The following SHISA9 variants were observed in gnomAD, a reference collection of about 807,000 sequenced individuals.
SHISA9 encodes the protein shisa family member 9, also known as protein shisa-9.
SHISA9 carries 13 observed loss-of-function variants against 38.0 expected under a neutral mutation model. The observed-to-expected ratio is 0.34, with a 90% CI of 0.22 to 0.54. SHISA9 has a LOEUF of 0.54. SHISA9 is among the 20% of genes least tolerant of loss of function. The pLI, the probability that SHISA9 is intolerant of heterozygous loss-of-function variation, is 0.91. For missense variants in SHISA9, 538 were observed against 575.8 expected, an observed-to-expected ratio of 0.93 and a Z score of 0.67; for synonymous variants, 275 against 242.0, an observed-to-expected ratio of 1.14 and a Z score of -1.27.
At chr16:12,943,854 G>A (rs2071654899) in intron 2 of SHISA9, among the ~76,000 whole-genome samples, 1 of 152,028 alleles carries the variant, frequency 6.6e-6, no homozygotes, top group Non-Finnish European at 1.5e-5. Flanking sequence ...ACTAGCTCAG[G>A]GTTCACATCT....
At chr16:13,336,706 G>A in the SHISA9 span, among the ~76,000 whole-genome samples, 12 of 152,186 alleles carry the variant, frequency 7.9e-5, no homozygotes, top group African/African-American at 2.9e-4. Flanking sequence ...TTTGGGTAAG[G>A]GGAGGTGGCA....
the SHISA9 span, among the ~76,000 whole-genome samples, chr16:13,509,363 C>G: frequency 1.3e-5 from 2 of 152,094 alleles, no homozygotes; most frequent in Non-Finnish European, 2.9e-5. Context: ...GAACTCTGGA[C>G]TCAGACTGCC....
intron 2 of SHISA9, among the ~76,000 whole-genome samples, chr16:13,115,058 A>G (rs111496044): frequency 1.7e-4 from 26 of 152,202 alleles, no homozygotes; most frequent in African/African-American, 6.3e-4. Flanking sequence ...CCATTATCAT[A>G]TTTATGTATC....
the SHISA9 span, among the ~76,000 whole-genome samples, chr16:13,491,730 T>G: frequency 4.9e-4 from 71 of 145,760 alleles, no homozygotes; most frequent in Admixed American, 2.3e-3. Flanking sequence ...TCTCAAGAGA[T>G]CCACCCGCCT....
chr16:13,060,574 C>T (rs2073361993), intron 2 of SHISA9, among the ~76,000 whole-genome samples: 2 of 134,044 alleles, frequency 1.5e-5, no homozygotes, highest in African/African-American at 5.7e-5. Context: ...GAGGCTGAGG[C>T]AAGAGGATCA....
At chr16:13,374,182 T>A in the SHISA9 span, among the ~76,000 whole-genome samples, 1 of 151,948 alleles carries the variant, frequency 6.6e-6, no homozygotes, top group Non-Finnish European at 1.5e-5. Context: ...TTTTTTTTAG[T>A]ATGCTTTAAG....
At chr16:13,168,557 TTG>T (rs2050657918) in intron 2 of SHISA9, among the ~76,000 whole-genome samples, 1 of 152,196 alleles carries the variant, frequency 6.6e-6, no homozygotes, top group Non-Finnish European at 1.5e-5. Context: ...CTGCAAAGCC[TTG>T]TCTCTCTACT....
intron 4 of SHISA9, among the ~76,000 whole-genome samples, chr16:13,229,651 A>G (rs546236967): frequency 9.8e-5 from 15 of 152,316 alleles, no homozygotes; most frequent in African/African-American, 3.6e-4. Flanking sequence ...ATTTCCATGT[A>G]CTGCCAGGAC....
At chr16:13,515,180 C>A in the SHISA9 span, among the ~76,000 whole-genome samples, 2 of 151,988 alleles carry the variant, frequency 1.3e-5, no homozygotes, top group South Asian at 2.1e-4. Context: ...TGTGAAACTA[C>A]AAGTGTGCTA....
intron 4 of SHISA9, among the ~76,000 whole-genome samples, chr16:13,226,096 G>A (rs1485721037): frequency 6.6e-6 from 1 of 152,170 alleles, no homozygotes; most frequent in East Asian, 1.9e-4. Flanking sequence ...TCTTTTGCAA[G>A]TAGCTTTTTA....
At chr16:13,547,166 T>C in the SHISA9 span, among the ~76,000 whole-genome samples, 5 of 152,228 alleles carry the variant, frequency 3.3e-5, no homozygotes, top group Admixed American at 6.5e-5. Context: ...ATTTATTGAA[T>C]ATCTACTATG....
the SHISA9 span, among the ~76,000 whole-genome samples, chr16:13,400,222 A>G: frequency 6.6e-6 from 1 of 152,186 alleles, no homozygotes; most frequent in Non-Finnish European, 1.5e-5. Flanking sequence ...TCTCCGGTAG[A>G]ACCATTCTGA....
At chr16:13,554,758 C>G in the SHISA9 span, among the ~76,000 whole-genome samples, 2 of 152,182 alleles carry the variant, frequency 1.3e-5, no homozygotes, top group African/African-American at 2.4e-5. Context: ...TCCCAAAGAG[C>G]CACCGTGCCC....
intron 2 of SHISA9, among the ~76,000 whole-genome samples, chr16:13,112,769 A>G (rs1263766421): frequency 6.6e-6 from 1 of 152,108 alleles, no homozygotes; most frequent in Non-Finnish European, 1.5e-5. Flanking sequence ...GGCCATTAAA[A>G]GGCCCCTCTG....
chr16:13,561,162 T>G, the SHISA9 span, among the ~76,000 whole-genome samples: 2 of 152,224 alleles, frequency 1.3e-5, no homozygotes, highest in Non-Finnish European at 2.9e-5. Context: ...CCGCCGCGCC[T>G]GGCCTTAACA....
the SHISA9 span, among the ~76,000 whole-genome samples, chr16:13,303,793 CTT>C: frequency 6.6e-6 from 1 of 152,136 alleles, no homozygotes; most frequent in Non-Finnish European, 1.5e-5. Flanking sequence ...TAATTACTCT[CTT>C]AATATGATTG....
At chr16:13,483,218 G>A in the SHISA9 span, among the ~76,000 whole-genome samples, 1 of 152,166 alleles carries the variant, frequency 6.6e-6, no homozygotes, top group Admixed American at 6.5e-5. Context: ...ACTCTTGGAT[G>A]TAGCCTATAA....
chr16:13,130,688 G>C (rs1206853808), intron 2 of SHISA9, among the ~76,000 whole-genome samples: 1 of 152,154 alleles, frequency 6.6e-6, no homozygotes, highest in Non-Finnish European at 1.5e-5. Flanking sequence ...GACTTTTTCT[G>C]TACAGAGCTG....
chr16:13,063,543 A>G lies in SHISA9; in HGVS notation c.692-139851A>G, dbSNP rs144344176. ...CTCCGTGTGTTCTTGTGGGGCGTCA[A>G]TGAAATAATGGCGCAGAATGTTCAT... On this transcript the variant is annotated intron_variant, in intron 2 of 4. Transcript: ENST00000558583. 1.4e-4 allele frequency among the ~76,000 whole-genome samples: 22 copies of G among 152,264 alleles called. No homozygotes were observed. The East Asian group carries it at 3.5e-3, about 24-fold the overall frequency.
Sources: gnomAD v4.1 joint callset for allele counts (sites outside exome capture counted in the v4.1 genomes callset) on GRCh38, gnomAD v4.1.1 for gene constraint, MANE v1.5 for transcripts, NCBI Gene and HGNC (gene_info 2026-07-23, HGNC 2026-07-21) for gene names.